The following SLIT1 variants were observed in gnomAD, a reference collection of about 807,000 sequenced individuals.
The protein encoded by SLIT1 is slit guidance ligand 1, also known as slit homolog 1 protein.
In SLIT1, 66 loss-of-function variants were observed where a neutral mutation model predicts 186.1. The observed-to-expected ratio is 0.35, with a 90% CI of 0.29 to 0.44. The LOEUF is 0.44. Ranked by LOEUF, SLIT1 falls within the 20% of genes least tolerant of loss-of-function variation. The pLI is 1.00. For missense variants in SLIT1, 1,638 were observed against 2,037.4 expected, an observed-to-expected ratio of 0.80 and a Z score of 3.77; for synonymous variants, 761 against 833.8, an observed-to-expected ratio of 0.91 and a Z score of 1.50.
chr10:97,013,863 G>T, intron 29 of SLIT1, 29 bp from the exon 30 acceptor site: 1 of 1,545,744 alleles, frequency 6.5e-7, no homozygotes. Flanking sequence ...AGGGGCAGGA[G>T]AGAAGCTGCT....
chr10:97,062,217 G>T (rs1363084562), intron 8 of SLIT1, among the ~76,000 whole-genome samples: 1 of 150,770 alleles, frequency 6.6e-6, no homozygotes, highest in Admixed American at 6.6e-5. Context: ...ACACTCATAC[G>T]CACATCTGCA....
At chr10:97,057,949 C>T in intron 11 of SLIT1, 2 of 716,566 alleles carry the variant, frequency 2.8e-6, no homozygotes, top group Middle Eastern at 2.3e-4. Context: ...CACAAGCTAC[C>T]CTCGTAAACG....
rs1848970647 is a variant in SLIT1, at chr10:97,068,359, C to G, written c.414-2273G>C. On this transcript the variant is annotated intron_variant, in intron 4 of 36. Coordinates refer to ENST00000266058, the MANE Select transcript of SLIT1 (RefSeq NM_003061.3). This position sits in a 1 kb window ranked among gnomAD's most constrained non-coding sequence, Gnocchi z 4.2. Reference sequence around the variant, plus strand: ...ATGTACAAAATGGGAAAAATGAAAGCCTGGCAAAGCAATTGCCTTCCCGTC... The same window carrying G: ...ATGTACAAAATGGGAAAAATGAAAGGCTGGCAAAGCAATTGCCTTCCCGTC... Among the ~76,000 whole-genome samples, 1 of 152,278 alleles carries G rather than the reference C, an allele frequency of 6.6e-6. No individual in the cohort carries two copies. Among genetic ancestry groups the G allele is most frequent in the East Asian group, 1.9e-4 (1 of 5,172 alleles).
intron 22 of SLIT1, among the ~76,000 whole-genome samples, chr10:97,036,924 AG>A (rs1848643288): frequency 6.6e-6 from 1 of 152,236 alleles, no homozygotes; most frequent in African/African-American, 2.4e-5. Context: ...ACTTAGTTAC[AG>A]GTATGTATTT....
intron 21 of SLIT1, 25 bp downstream of exon 21, chr10:97,039,962 AG>A (rs780881280): frequency 5.0e-6 from 8 of 1,611,188 alleles, no homozygotes; most frequent in Non-Finnish European, 6.8e-6. Context: ...ACCCACGTGA[AG>A]GGGGCAAGGC....
intron 3 of SLIT1, among the ~76,000 whole-genome samples, chr10:97,162,291 G>C (rs1405932775): frequency 1.3e-5 from 2 of 152,134 alleles, no homozygotes; most frequent in Non-Finnish European, 2.9e-5. Flanking sequence ...CCACTAGAAT[G>C]GGTTTCCAAT....
chr10:97,115,988 A>G (rs754287109), intron 4 of SLIT1, among the ~76,000 whole-genome samples: 3 of 152,256 alleles, frequency 2.0e-5, no homozygotes, highest in Non-Finnish European at 4.4e-5. Context: ...GACAGAGCAC[A>G]GGCTCTGGAG....
chr10:97,012,591 C>A (rs1475376311), intron 30 of SLIT1, among the ~76,000 whole-genome samples: 3 of 152,192 alleles, frequency 2.0e-5, no homozygotes, highest in Admixed American at 2.0e-4. Flanking sequence ...TTCCACCCTC[C>A]AAGGAGGGCG....
At chr10:97,023,217 A>ATT (rs575450528) in intron 25 of SLIT1, among the ~76,000 whole-genome samples, 46 of 133,410 alleles carry the variant, frequency 3.4e-4, no homozygotes, top group African/African-American at 6.2e-4. Context: ...CGCCCACCTA[A>ATT]TTTTTTTTTT....
intron 4 of SLIT1, among the ~76,000 whole-genome samples, chr10:97,146,562 C>CCG (rs1170249594): frequency 6.6e-6 from 1 of 151,780 alleles, no homozygotes; most frequent in Non-Finnish European, 1.5e-5. Context: ...TACCCCAGCC[C>CCG]CCCCCACTGA....
chr10:97,042,865 C>T (rs779689915), intron 20 of SLIT1, 36 bp downstream of exon 20: 25 of 1,602,580 alleles, frequency 1.6e-5, no homozygotes, highest in African/African-American at 6.7e-5. Context: ...GGACCCAGGG[C>T]GCCCTCTCCC....
chr10:97,061,396 A>G (rs1014421583), intron 8 of SLIT1, among the ~76,000 whole-genome samples: 52 of 152,246 alleles, frequency 3.4e-4, no homozygotes, highest in African/African-American at 1.2e-3. Flanking sequence ...GTTCTTTCTG[A>G]AGCATGTAGC....
chr10:97,105,428 C>A (rs73322743), intron 4 of SLIT1, among the ~76,000 whole-genome samples: 3,035 of 152,258 alleles, frequency 0.02, 125 homozygotes, highest in African/African-American at 0.069. Flanking sequence ...CAGCAAGAAC[C>A]AGATGAAAGG....
intron 1 of SLIT1, among the ~76,000 whole-genome samples, chr10:97,178,138 G>A (rs2817667): frequency 0.47 from 71,425 of 151,956 alleles, 17,737 homozygotes; most frequent in East Asian, 0.6. Flanking sequence ...AACAGAATAT[G>A]TACCCAGCTT....
chr10:97,116,547 G>C (rs751344382), intron 4 of SLIT1, among the ~76,000 whole-genome samples: 1 of 152,202 alleles, frequency 6.6e-6, no homozygotes, highest in African/African-American at 2.4e-5. Context: ...TCTCCTCTAT[G>C]CCTGGTGAGC....
At chr10:97,087,329 T>A (rs1288925274) in intron 4 of SLIT1, among the ~76,000 whole-genome samples, 1 of 152,202 alleles carries the variant, frequency 6.6e-6, no homozygotes. Flanking sequence ...GACCATCTCC[T>A]GCAGCCCCCT....
chr10:97,041,597 A>G (rs1806758392), intron 20 of SLIT1, among the ~76,000 whole-genome samples: 1 of 151,622 alleles, frequency 6.6e-6, no homozygotes, highest in Non-Finnish European at 1.5e-5. Context: ...TCAGCCTCCC[A>G]AGTAGCTGGG....
intron 26 of SLIT1, 40 bp from the exon 27 acceptor site, chr10:97,019,147 G>T: frequency 7.9e-7 from 1 of 1,261,030 alleles, no homozygotes; most frequent in South Asian, 1.2e-5. Context: ...GGGAGGGGTG[G>T]GCAGCACAGG....
chr10:97,020,854 A>G (rs1289506091), intron 26 of SLIT1, among the ~76,000 whole-genome samples: 1 of 152,212 alleles, frequency 6.6e-6, no homozygotes, highest in Non-Finnish European at 1.5e-5. Flanking sequence ...TATTTCTGTA[A>G]ATGTCGGGAG....
Sources: allele counts gnomAD v4.1 joint callset (sites outside exome capture counted in the v4.1 genomes callset), GRCh38; gene constraint gnomAD v4.1.1; non-coding constraint Gnocchi (gnomAD v3.1); transcripts MANE v1.5; gene names NCBI Gene and HGNC (gene_info 2026-07-23, HGNC 2026-07-21).